The following SLC22A12 variants were observed in gnomAD, a reference collection of about 807,000 sequenced individuals.
SLC22A12 encodes organic anion transporter 4-like protein.
A neutral mutation model predicts 52.7 loss-of-function variants in SLC22A12; 56 were observed. The observed-to-expected ratio is 1.06, with a 90% CI of 0.86 to 1.33. SLC22A12 has a LOEUF of 1.33. Ranked by LOEUF, SLC22A12 falls within the 40% of genes most tolerant of loss-of-function variation. SLC22A12 has a pLI of 0.00. For synonymous variants in SLC22A12, 337 were observed against 324.6 expected (o/e 1.04, Z -0.41); for missense variants, 683 against 741.5 (o/e 0.92, Z 0.92).
At chr11:64,594,191 G>A (rs2039012742) in intron 4 of SLC22A12, among the ~76,000 whole-genome samples, 2 of 152,240 alleles carry the variant, frequency 1.3e-5, no homozygotes, top group African/African-American at 4.8e-5. Flanking sequence ...TAGGCTAGGG[G>A]AGCGAGTGGA....
At chr11:64,592,736 G>A (rs1408940542) in intron 1 of SLC22A12, 43 bp from the exon 2 acceptor site, 1 of 1,537,376 alleles carries the variant, frequency 6.5e-7, no homozygotes, top group Non-Finnish European at 9.0e-7. Context: ...CTCTGCTGGG[G>A]CTCTCCCAAC....
chr11:64,592,476 G>T (rs1012855300), intron 1 of SLC22A12, among the ~76,000 whole-genome samples: 2 of 152,198 alleles, frequency 1.3e-5, no homozygotes, highest in African/African-American at 4.8e-5. Flanking sequence ...GGGTGAGGGT[G>T]TCAGCTTGGG....
intron 4 of SLC22A12, among the ~76,000 whole-genome samples, chr11:64,597,696 T>C (rs1441148471): frequency 2.0e-5 from 3 of 152,236 alleles, no homozygotes; most frequent in African/African-American, 7.2e-5. Context: ...ACAACACGTC[T>C]GGCTGAAGGA....
Position 64,600,804 on chromosome 11 carries a change from G to A in SLC22A12, c.1464G>A (p.Leu488=). Residue 488 remains leucine (L), a synonymous_variant, in exon 9 of 10, where the codon CTG becomes CTA. Transcript: ENST00000377574. The part of the protein sequence containing the change: ...GGAILGPLVR[L]LGVHGPWLPL... ...CCATCCTGGGGCCTCTGGTCCGGCTGCTGGGTGTCCATGGCCCCTGGCTGC... is the reference window on the plus strand; with the variant it reads ...CCATCCTGGGGCCTCTGGTCCGGCTACTGGGTGTCCATGGCCCCTGGCTGC... 2 of 1,606,398 alleles carry A rather than the reference G, an allele frequency of 1.2e-6. No individual in the cohort carries two copies. The highest frequency in any genetic ancestry group is 1.7e-6 in the Non-Finnish European group (2 of 1,179,958).
rs955549588 is a variant in SLC22A12, at chr11:64,591,466, G to A, written c.-91G>A. 2.5e-5 allele frequency: 39 copies of A among 1,564,130 alleles called. No individual in the cohort carries two copies. The highest frequency in any genetic ancestry group is 9.0e-5 in the East Asian group (4 of 44,610). ...TGGAGAAGCCACTGTGGGCACCACC[G>A]TGGGGGAAACAGGCCCGTTGCCCTG... is the stretch of plus-strand genomic sequence containing the variant. On this transcript the variant is annotated 5_prime_UTR_variant, in exon 1 of 10. In the 5' UTR this introduces an upstream ATG that the reference lacks. Coordinates refer to ENST00000377574, the MANE Select transcript of SLC22A12 (RefSeq NM_144585.4).
Position 64,593,024 on chromosome 11 carries a change from C to A in SLC22A12, c.506+142C>A. 5.5e-6 allele frequency: 4 copies of A among 723,974 alleles called. No homozygotes were observed. The South Asian group carries it at 7.2e-5, about 13-fold the overall frequency. 44.8% of individuals were successfully genotyped at this position (723,974 alleles called of 1,614,324 possible). ...TTGCTGGGTGTGGGTCTCGGACCAG[C>A]CACCCTGCAGCCGTGCCAGGTAGGG... is the stretch of plus-strand genomic sequence containing the variant. On this transcript the variant is annotated intron_variant, in intron 2 of 9. Transcript: ENST00000377574.
Position 64,595,022 on chromosome 11 carries a change from GTTGGA to G in SLC22A12, c.830+1220_830+1224del, listed in dbSNP as rs1247166062. On this transcript the variant is annotated intron_variant, in intron 4 of 9. Transcript: ENST00000377574. ...GGATGGATGGATGGATGGATGGATGGTTGGAATAGATGGATGGATGGATGGGTGGA... is the reference window on the plus strand; with the variant it reads ...GGATGGATGGATGGATGGATGGATGGATAGATGGATGGATGGATGGGTGGA... Among the ~76,000 whole-genome samples, 9 of 44,114 alleles carry G rather than the reference GTTGGA, an allele frequency of 2.0e-4. No homozygotes were observed. The South Asian group carries it at 4.9e-3, about 24-fold the overall frequency. The allele number at this position is 44,114 out of a possible 152,430, so 28.9% of individuals were successfully genotyped here. A position where few individuals can be genotyped will look rare whatever the true frequency, so the allele number is the denominator to read the frequency against.
At chr11:64,596,071 T>C (rs2039200951) in intron 4 of SLC22A12, among the ~76,000 whole-genome samples, 1 of 149,934 alleles carries the variant, frequency 6.7e-6, no homozygotes, top group African/African-American at 2.5e-5. Flanking sequence ...GATGGATGGA[T>C]GGATGGTTTG....
At chr11:64,601,416 G>T in intron 9 of SLC22A12, 72 bp from the exon 10 acceptor site, 1 of 1,506,064 alleles carries the variant, frequency 6.6e-7, no homozygotes, top group South Asian at 1.2e-5. Flanking sequence ...TGGAGTCCTT[G>T]GGATGGACAC....
At chr11:64,597,944 G>T (rs1357940695) in intron 4 of SLC22A12, among the ~76,000 whole-genome samples, 1 of 152,148 alleles carries the variant, frequency 6.6e-6, no homozygotes, top group East Asian at 1.9e-4. Context: ...CAGCTGACAG[G>T]GTGCGGCCAG....
intron 7 of SLC22A12, 97 bp downstream of exon 7, chr11:64,599,987 G>C (rs369456105): frequency 4.9e-6 from 7 of 1,438,248 alleles, no homozygotes; most frequent in Admixed American, 3.9e-5. Context: ...ACTAGAGCAG[G>C]TACCCTGGTA....
chr11:64,600,919 A>C lies in SLC22A12; in HGVS notation c.1579A>C (p.Ile527Leu). 1 of 1,609,088 alleles carries C rather than the reference A, an allele frequency of 6.2e-7. No homozygotes were observed. The highest frequency in any genetic ancestry group is 8.5e-7 in the Non-Finnish European group (1 of 1,179,956). ...ETQSLPLPDT[I>L]QDVQNQAVKK... Reference sequence around the variant, plus strand: ...CCAGAGCTTGCCGCTGCCCGACACCATCCAAGATGTGCAGAACCAGTGAGT... The same window carrying C: ...CCAGAGCTTGCCGCTGCCCGACACCCTCCAAGATGTGCAGAACCAGTGAGT... Residue 527 changes from isoleucine to leucine, a missense_variant, in exon 9 of 10, where the codon ATC (isoleucine) becomes CTC (leucine). Physicochemically the swap from Ile to Leu is conservative, Grantham distance 5. Transcript: ENST00000377574.
intron 4 of SLC22A12, among the ~76,000 whole-genome samples, chr11:64,594,972 T>C (rs2039063217): frequency 2.0e-5 from 2 of 102,402 alleles, no homozygotes; most frequent in Non-Finnish European, 1.8e-5. Context: ...TTGGAATAGA[T>C]GGATGGATGG....
At position 64,593,858 on chromosome 11, in the gene SLC22A12, C is replaced by CG; in HGVS notation, c.830+60dup. ...GAGGAGATCCTGCCCACTCTCCACC[C>CG]GGGGGAATGGGAGACTCTCCTTTCC... On this transcript the variant is annotated intron_variant, in intron 4 of 9. Transcript: ENST00000377574. 1.9e-6 allele frequency: 3 copies of CG among 1,576,030 alleles called. No homozygotes were observed. In the South Asian group the frequency reaches 3.4e-5, roughly 18 times the overall value.
In SLC22A12 at chr11:64,598,816, T is replaced by C; in HGVS notation, c.963T>C (p.Leu321=). 6.2e-7 allele frequency: 1 copy of C among 1,612,544 alleles called. No homozygotes were observed. Among genetic ancestry groups the C allele is most frequent in the Non-Finnish European group, 8.5e-7 (1 of 1,179,964 alleles). Residue 321 remains leucine (L), a synonymous_variant, in exon 6 of 10, where the codon CTT becomes CTC. Coordinates refer to ENST00000377574, the MANE Select transcript of SLC22A12 (RefSeq NM_144585.4). ...CACCCCCGCCTCCACAGGTCTTGCT[T>C]TCAGCCATGCGGGAGGAGCTGAGCA... ...VQDTLTPEVL[L]SAMREELSMG...
intron 4 of SLC22A12, 70 bp downstream of exon 4, chr11:64,593,873 C>A: frequency 6.4e-7 from 1 of 1,553,478 alleles, no homozygotes; most frequent in Non-Finnish European, 8.7e-7. Context: ...GAATGGGAGA[C>A]TCTCCTTTCC....
Position 64,599,823 on chromosome 11 carries a change from C to T in SLC22A12, c.1218C>T (p.Arg406=), listed in dbSNP as rs1343875906. 2.5e-6 allele frequency: 4 copies of T among 1,612,842 alleles called. No homozygotes were observed. In the East Asian group the frequency reaches 8.9e-5, roughly 36 times the overall value. Residue 406 remains arginine (R), a synonymous_variant, in exon 7 of 10, where the codon CGC becomes CGT. Coordinates refer to ENST00000377574, the MANE Select transcript of SLC22A12 (RefSeq NM_144585.4). ...ALLLLSHLGR[R]PTLAASLLLA... ...TGCTGCTGAGCCACCTGGGCCGCCGCCCCACGCTGGCCGCATCCCTGTTGC... is the reference window on the plus strand; with the variant it reads ...TGCTGCTGAGCCACCTGGGCCGCCGTCCCACGCTGGCCGCATCCCTGTTGC...
At chr11:64,599,061 C>A in intron 6 of SLC22A12, 138 bp downstream of exon 6, 1 of 1,304,198 alleles carries the variant, frequency 7.7e-7, no homozygotes, top group Non-Finnish European at 1.1e-6. Flanking sequence ...CTGTCAGTCA[C>A]TCCCGACAGG....
At position 64,600,370 on chromosome 11, in the gene SLC22A12, T is replaced by C. The variant is rs2039413303; in HGVS notation, c.1289T>C (p.Met430Thr). The C allele has an allele frequency of 3.1e-6, 5 of 1,601,328 alleles. No homozygotes were observed. The East Asian group carries it at 6.7e-5, about 22-fold the overall frequency. The stretch of plus-strand genomic sequence containing the variant: ...CTAATCCCATCTCTACCCACAGAAA[T>C]GGGGGCTCTGCGCTCAGCCTTGGCC... Reference protein sequence around the residue: ...ILANTLVPHEMGALRSALAVL... With the variant: ...ILANTLVPHETGALRSALAVL... Residue 430 changes from methionine to threonine, a missense_variant, in exon 8 of 10, where the codon ATG (methionine) becomes ACG (threonine). By Grantham distance (81) the Met-to-Thr change is moderately conservative. Transcript: ENST00000377574.
Sources: allele counts gnomAD v4.1 joint callset (sites outside exome capture counted in the v4.1 genomes callset), GRCh38; gene constraint gnomAD v4.1.1; transcripts MANE v1.5; gene names NCBI Gene and HGNC (gene_info 2026-07-23, HGNC 2026-07-21).